LARGE1: variants seen among roughly 807,000 people sequenced by gnomAD.
LARGE1 encodes xylosyl- and glucuronyltransferase LARGE1.
A neutral mutation model predicts 87.6 loss-of-function variants in LARGE1; 43 were observed. That is an observed-to-expected ratio of 0.49 (90% CI 0.38 to 0.63). The LOEUF is 0.63. Among genes scored for constraint, LARGE1 ranks in the 30% least tolerant of loss-of-function variants. LARGE1 has a pLI of 0.00. For synonymous variants in LARGE1, 434 were observed against 394.6 expected, an observed-to-expected ratio of 1.10 and a Z score of -1.18; for missense variants, 802 against 1,000.2, an observed-to-expected ratio of 0.80 and a Z score of 2.67.
intron 2 of LARGE1, among the ~76,000 whole-genome samples, chr22:33,655,396 T>C (rs1313222037): frequency 6.6e-6 from 1 of 152,206 alleles, no homozygotes; most frequent in Non-Finnish European, 1.5e-5. Flanking sequence ...TCACCAGATC[T>C]TCCTGGGTCT....
chr22:33,733,699 T>C (rs909758624), intron 2 of LARGE1: 1 of 152,222 alleles, frequency 6.6e-6, no homozygotes. Context: ...AATCACTAGT[T>C]GTTGGGAATG....
intron 1 of LARGE1, among the ~76,000 whole-genome samples, chr22:33,763,694 A>C (rs111747343): frequency 4.6e-5 from 7 of 152,250 alleles, no homozygotes; most frequent in African/African-American, 1.7e-4. Flanking sequence ...TCTATAAATT[A>C]AGATGATACC....
In LARGE1 at chr22:33,272,929, C is replaced by G. The variant is rs1278603166; in HGVS notation, c.*1498G>C. On this transcript the variant is annotated 3_prime_UTR_variant, in exon 15 of 15. Transcript: ENST00000397394. Reference sequence around the variant, plus strand: ...AGACAGAGTGGGATCTAACTTCAGGCAAAAGGGGAAAAAAAAGGCTAAAGT... The same window carrying G: ...AGACAGAGTGGGATCTAACTTCAGGGAAAAGGGGAAAAAAAAGGCTAAAGT... 6.6e-6 allele frequency: 1 copy of G among 151,660 alleles called. No homozygotes were observed. Among genetic ancestry groups the G allele is most frequent in the East Asian group, 1.9e-4 (1 of 5,180 alleles). 9.4% of individuals were successfully genotyped at this position (151,660 alleles called of 1,614,324 possible). A position where few individuals can be genotyped will look rare whatever the true frequency, so the allele number is the denominator to read the frequency against.
chr22:33,578,188 C>T (rs543529737), intron 5 of LARGE1, among the ~76,000 whole-genome samples: 1 of 152,164 alleles, frequency 6.6e-6, no homozygotes, highest in Non-Finnish European at 1.5e-5. Flanking sequence ...GGCTGTCTAA[C>T]CTTTCTAGAT....
chr22:33,575,585 G>A (rs1368257586), intron 5 of LARGE1, among the ~76,000 whole-genome samples: 1 of 152,178 alleles, frequency 6.6e-6, no homozygotes, highest in Non-Finnish European at 1.5e-5. Flanking sequence ...AATGTTGAGA[G>A]AGCCTGGAAG....
At chr22:33,720,305 C>T (rs1027384581) in intron 2 of LARGE1, among the ~76,000 whole-genome samples, 2 of 152,088 alleles carry the variant, frequency 1.3e-5, no homozygotes, top group Admixed American at 6.5e-5. Context: ...GCCGATCTGA[C>T]AGGAGGCGGA....
chr22:33,310,832 T>C (rs1481025515), intron 11 of LARGE1, among the ~76,000 whole-genome samples: 2 of 152,140 alleles, frequency 1.3e-5, no homozygotes, highest in Non-Finnish European at 2.9e-5. Flanking sequence ...TCTCTTGAGA[T>C]ACTGTCCTGA....
chr22:33,550,667 C>T (rs939879138), intron 6 of LARGE1, among the ~76,000 whole-genome samples: 1 of 152,058 alleles, frequency 6.6e-6, no homozygotes, highest in Non-Finnish European at 1.5e-5. Flanking sequence ...ATAGAACTAC[C>T]ATTCAATCCA....
intron 7 of LARGE1, among the ~76,000 whole-genome samples, chr22:33,387,070 C>T (rs1338494419): frequency 6.8e-6 from 1 of 147,998 alleles, no homozygotes; most frequent in Non-Finnish European, 1.5e-5. Flanking sequence ...TGCCACTGTA[C>T]TCCAGCCTAG....
At chr22:33,776,385 C>T (rs900176821) in intron 1 of LARGE1, among the ~76,000 whole-genome samples, 2 of 152,126 alleles carry the variant, frequency 1.3e-5, no homozygotes, top group African/African-American at 4.8e-5. Context: ...CAAAATTTTC[C>T]ACTTACAATA....
At chr22:33,620,908 A>T (rs2079729906) in intron 4 of LARGE1, among the ~76,000 whole-genome samples, 1 of 143,548 alleles carries the variant, frequency 7.0e-6, no homozygotes, top group South Asian at 2.3e-4. Flanking sequence ...AGCCTGGATG[A>T]CAGGACAAGA....
intron 7 of LARGE1, among the ~76,000 whole-genome samples, chr22:33,386,994 C>T (rs150253751): frequency 0.011 from 1,570 of 148,462 alleles, 78 homozygotes; most frequent in African/African-American, 0.036. Flanking sequence ...ATCCCAGCTA[C>T]TCAGGAGGCT....
intron 11 of LARGE1, among the ~76,000 whole-genome samples, chr22:33,180,183 T>A (rs1260217093): frequency 6.6e-6 from 1 of 152,116 alleles, no homozygotes; most frequent in African/African-American, 2.4e-5. Context: ...TTACCCAGTA[T>A]CAGTTATTTT....
At chr22:33,630,821 T>C (rs539443911) in intron 3 of LARGE1, among the ~76,000 whole-genome samples, 1 of 149,846 alleles carries the variant, frequency 6.7e-6, no homozygotes, top group Admixed American at 6.6e-5. Context: ...ACTGGAACTT[T>C]TTTACTTTAC....
chr22:33,849,592 C>CTTTTTTTTTTTTTTTTTTTTTTT (rs71187287), intron 1 of LARGE1, among the ~76,000 whole-genome samples: 1 of 88,592 alleles, frequency 1.1e-5, no homozygotes, highest in Admixed American at 1.5e-4. Context: ...CTTTTCTTCT[C>CTTTTTTTTTTTTTTTTTTTTTTT]TTTTTTTTTT....
At chr22:33,236,955 T>C (rs767862768) in intron 11 of LARGE1, among the ~76,000 whole-genome samples, 4 of 152,354 alleles carry the variant, frequency 2.6e-5, no homozygotes, top group East Asian at 1.9e-4. Context: ...TGGCATCTCA[T>C]TGTCAAGTAA....
the LARGE1 span, chr22:33,116,258 C>T: frequency 6.6e-6 from 1 of 152,312 alleles, no homozygotes; most frequent in East Asian, 1.9e-4. Flanking sequence ...AACCCTCCAT[C>T]CTTAACAGGG....
chr22:33,073,306 T>G, the LARGE1 span, among the ~76,000 whole-genome samples: 1 of 152,148 alleles, frequency 6.6e-6, no homozygotes, highest in African/African-American at 2.4e-5. Context: ...CTCTGTAGAG[T>G]GGGGCTGAAA....
intron 9 of LARGE1, among the ~76,000 whole-genome samples, chr22:33,374,432 A>G (rs2147043571): frequency 6.6e-6 from 1 of 152,348 alleles, no homozygotes; most frequent in East Asian, 1.9e-4. Flanking sequence ...TTTTGAAAGC[A>G]CTAAGATTCC....
Sources: allele counts gnomAD v4.1 joint callset (sites outside exome capture counted in the v4.1 genomes callset), GRCh38; gene constraint gnomAD v4.1.1; transcripts MANE v1.5; gene names NCBI Gene and HGNC (gene_info 2026-07-23, HGNC 2026-07-21).